Variants in PALLD observed in about 807,000 individuals in gnomAD.
The protein encoded by PALLD is palladin.
PALLD carries 61 observed loss-of-function variants against 123.5 expected under a neutral mutation model. That is an observed-to-expected ratio of 0.49 (90% CI 0.40 to 0.61). The LOEUF (loss-of-function observed/expected upper bound fraction) is 0.61. Among genes scored for constraint, PALLD ranks in the 20% least tolerant of loss-of-function variants. PALLD has a pLI of 0.00. For missense variants in PALLD, 1,273 were observed against 1,377.0 expected, an observed-to-expected ratio of 0.92 and a Z score of 1.20; for synonymous variants, 465 against 496.4, an observed-to-expected ratio of 0.94 and a Z score of 0.84.
intron 10 of PALLD, among the ~76,000 whole-genome samples, chr4:168,785,204 C>G (rs1736540361): frequency 1.3e-5 from 2 of 151,242 alleles, no homozygotes; most frequent in South Asian, 4.2e-4. Context: ...AATTAGCTAG[C>G]CAGTGGGATT....
intron 10 of PALLD, among the ~76,000 whole-genome samples, chr4:168,818,607 A>G (rs1231035030): frequency 6.6e-6 from 1 of 152,182 alleles, no homozygotes; most frequent in Non-Finnish European, 1.5e-5. Context: ...AAATAGTGGT[A>G]AAAAGAGTAT....
At chr4:168,746,800 T>C (rs1730392465) in intron 10 of PALLD, among the ~76,000 whole-genome samples, 2 of 152,190 alleles carry the variant, frequency 1.3e-5, no homozygotes. Context: ...AAGATCCTGC[T>C]TAGAAGAGGG....
chr4:168,561,516 C>T (rs2149577465), intron 2 of PALLD, among the ~76,000 whole-genome samples: 1 of 152,278 alleles, frequency 6.6e-6, no homozygotes, highest in South Asian at 2.1e-4. Context: ...CTAAAGTGAT[C>T]CACCTGCCTT....
At chr4:168,890,387 T>C (rs1753981127) in intron 10 of PALLD, among the ~76,000 whole-genome samples, 1 of 152,146 alleles carries the variant, frequency 6.6e-6, no homozygotes, top group Non-Finnish European at 1.5e-5. Context: ...TATAAGGGGA[T>C]GGAAGGGAAG....
At chr4:168,778,030 ATGAACTTTG>A (rs1439387073) in intron 10 of PALLD, among the ~76,000 whole-genome samples, 1 of 152,198 alleles carries the variant, frequency 6.6e-6, no homozygotes, top group Admixed American at 6.5e-5. Context: ...TTCGTCTTGG[ATGAACTTTG>A]TGAACTTTGT....
chr4:168,702,683 T>G (rs1477706613), intron 8 of PALLD, among the ~76,000 whole-genome samples: 1 of 152,104 alleles, frequency 6.6e-6, no homozygotes, highest in Non-Finnish European at 1.5e-5. Flanking sequence ...ATATTGAGCC[T>G]GAAGAAATGA....
intron 10 of PALLD, among the ~76,000 whole-genome samples, chr4:168,836,778 G>C (rs113057128): frequency 6.6e-6 from 1 of 152,114 alleles, no homozygotes; most frequent in African/African-American, 2.4e-5. Flanking sequence ...TCTGATTGTG[G>C]GTTTGTAAAA....
At chr4:168,606,175 G>T (rs1773145016) in intron 2 of PALLD, among the ~76,000 whole-genome samples, 1 of 152,124 alleles carries the variant, frequency 6.6e-6, no homozygotes, top group African/African-American at 2.4e-5. Context: ...GTGTCTCTTT[G>T]ATTATCAGGG....
chr4:168,618,257 T>C (rs1050323372), intron 2 of PALLD, among the ~76,000 whole-genome samples: 1 of 151,968 alleles, frequency 6.6e-6, no homozygotes, highest in Non-Finnish European at 1.5e-5. Flanking sequence ...GAAATAACAA[T>C]GTAGTTATAT....
At chr4:168,886,856 T>C (rs561372010) in intron 10 of PALLD, among the ~76,000 whole-genome samples, 2 of 152,042 alleles carry the variant, frequency 1.3e-5, no homozygotes, top group East Asian at 1.9e-4. Flanking sequence ...TGGTGGCTCA[T>C]GCCTGTAATC....
At chr4:168,886,665 G>C (rs1290906558) in intron 10 of PALLD, among the ~76,000 whole-genome samples, 1 of 152,094 alleles carries the variant, frequency 6.6e-6, no homozygotes, top group Non-Finnish European at 1.5e-5. Context: ...ACATATTTCA[G>C]TTTATTTTTA....
Position 168,848,150 on chromosome 4 carries a change from TCCCACCCCAC to T in PALLD, c.1965-42753_1965-42744del, listed in dbSNP as rs544116092. On this transcript the variant is annotated intron_variant, in intron 10 of 21. Transcript: ENST00000505667. ...GCCTCCTCCGGCAACCCTACCCCCG[TCCCACCCCAC>T]CCCACCCCACCCCACCCCTGGGCAA... Among the ~76,000 whole-genome samples, 508 of 113,162 alleles carry T rather than the reference TCCCACCCCAC, an allele frequency of 4.5e-3. 2 individuals are homozygous for T. Among genetic ancestry groups the T allele is most frequent in the Middle Eastern group, 0.033 (8 of 246 alleles). 74.2% of individuals were successfully genotyped at this position (113,162 alleles called of 152,430 possible).
At chr4:168,674,364 G>A (rs1247529487) in intron 3 of PALLD, among the ~76,000 whole-genome samples, 1 of 152,188 alleles carries the variant, frequency 6.6e-6, no homozygotes, top group Non-Finnish European at 1.5e-5. Context: ...AAAGCTGTGG[G>A]ACTGGATACA....
At chr4:168,572,072 AG>A (rs1769049837) in intron 2 of PALLD, among the ~76,000 whole-genome samples, 1 of 152,114 alleles carries the variant, frequency 6.6e-6, no homozygotes, top group South Asian at 2.1e-4. Context: ...AGAAGCTTAA[AG>A]CCTGAGAAGA....
At chr4:168,601,504 C>T (rs951064907) in intron 2 of PALLD, among the ~76,000 whole-genome samples, 1 of 152,160 alleles carries the variant, frequency 6.6e-6, no homozygotes, top group Non-Finnish European at 1.5e-5. Flanking sequence ...CATTGACAAA[C>T]CTGCCTTAGG....
intron 15 of PALLD, among the ~76,000 whole-genome samples, chr4:168,905,331 G>A (rs1308435433): frequency 1.3e-5 from 2 of 150,788 alleles, no homozygotes; most frequent in African/African-American, 4.9e-5. Context: ...TTTATTTTTA[G>A]TAGAGATGGG....
intron 10 of PALLD, among the ~76,000 whole-genome samples, chr4:168,816,253 C>T (rs1741894942): frequency 6.6e-6 from 1 of 151,720 alleles, no homozygotes; most frequent in South Asian, 2.1e-4. Context: ...TTCAGCACTC[C>T]AAATGCCTGC....
intron 10 of PALLD, among the ~76,000 whole-genome samples, chr4:168,875,024 T>C (rs7680623): frequency 0.018 from 2,774 of 150,726 alleles, 85 homozygotes; most frequent in African/African-American, 0.065. Context: ...ACTAGGGCTA[T>C]CTAGAACGCT....
chr4:168,698,281 A>G (rs1783341033), intron 8 of PALLD, among the ~76,000 whole-genome samples: 1 of 152,224 alleles, frequency 6.6e-6, no homozygotes, highest in Non-Finnish European at 1.5e-5. Context: ...AATAAGACCT[A>G]GTATTTGATA....
Sources: gnomAD v4.1 joint callset for allele counts (sites outside exome capture counted in the v4.1 genomes callset) on GRCh38, gnomAD v4.1.1 for gene constraint, MANE v1.5 for transcripts, NCBI Gene and HGNC (gene_info 2026-07-23, HGNC 2026-07-21) for gene names.